The following ERBB4 variants were observed in gnomAD, a reference collection of about 807,000 sequenced individuals.
The protein encoded by ERBB4 is erb-b2 receptor tyrosine kinase 4, also known as receptor tyrosine-protein kinase erbB-4.
Under a neutral mutation model 158.0 loss-of-function variants are expected in ERBB4, and 42 were observed. That is an observed-to-expected ratio of 0.27 (90% CI 0.21 to 0.34). The LOEUF is 0.34. Among genes scored for constraint, ERBB4 ranks in the 10% least tolerant of loss-of-function variants. The pLI, the probability that ERBB4 is intolerant of heterozygous loss-of-function variation, is 1.00. For missense variants in ERBB4, 1,333 were observed against 1,624.1 expected, an observed-to-expected ratio of 0.82 and a Z score of 3.08; for synonymous variants, 583 against 558.7, an observed-to-expected ratio of 1.04 and a Z score of -0.61.
chr2:211,889,211 C>T (rs1006780145), intron 3 of ERBB4, among the ~76,000 whole-genome samples: 2 of 145,004 alleles, frequency 1.4e-5, no homozygotes, highest in Non-Finnish European at 3.0e-5. Flanking sequence ...TGAGAACCCG[C>T]AGACTGCCTC....
At chr2:211,736,242 T>G (rs1039529199) in intron 5 of ERBB4, among the ~76,000 whole-genome samples, 9 of 152,176 alleles carry the variant, frequency 5.9e-5, no homozygotes, top group African/African-American at 1.9e-4. Flanking sequence ...TTTCAAACTT[T>G]TGATTTTTAA....
At chr2:211,972,595 A>G (rs992641023) in intron 2 of ERBB4, among the ~76,000 whole-genome samples, 7 of 152,170 alleles carry the variant, frequency 4.6e-5, no homozygotes, top group African/African-American at 1.7e-4. Flanking sequence ...CCCAGAAAAA[A>G]GACCACACTC....
rs2077398187 is a variant in ERBB4, at chr2:211,838,762, C to T, written c.422-50603G>A. On this transcript the variant is annotated intron_variant, in intron 3 of 27. Coordinates refer to ENST00000342788, the MANE Select transcript of ERBB4 (RefSeq NM_005235.3). ...AAATAGACAAATAATTCCAGAAACA[C>T]AATAACGGGTCTGTGATTCGGACTA... is the stretch of plus-strand genomic sequence containing the variant. Among the ~76,000 whole-genome samples, 3 of 152,108 alleles carry T rather than the reference C, an allele frequency of 2.0e-5. No individual in the cohort carries two copies. The South Asian group carries it at 6.2e-4, about 32-fold the overall frequency.
chr2:212,356,746 C>G (rs548227631), intron 1 of ERBB4, among the ~76,000 whole-genome samples: 1 of 151,744 alleles, frequency 6.6e-6, no homozygotes, highest in South Asian at 2.1e-4. Context: ...CTTGATAAAT[C>G]GATCTTTCCA....
chr2:212,240,655 A>AAAAAAAAAAAAC (rs2084060359), intron 1 of ERBB4, among the ~76,000 whole-genome samples: 2 of 149,080 alleles, frequency 1.3e-5, no homozygotes, highest in Non-Finnish European at 3.0e-5. Context: ...AAAAAAAAAA[A>AAAAAAAAAAAAC]AAAAAAAAAA....
intron 1 of ERBB4, among the ~76,000 whole-genome samples, chr2:212,535,620 T>G (rs1693008732): frequency 6.6e-6 from 1 of 152,204 alleles, no homozygotes; most frequent in African/African-American, 2.4e-5. Context: ...TTTTCCATTA[T>G]ACAAGGAAGA....
intron 2 of ERBB4, among the ~76,000 whole-genome samples, chr2:212,090,783 A>G (rs776019989): frequency 2.6e-5 from 4 of 152,186 alleles, no homozygotes; most frequent in Non-Finnish European, 4.4e-5. Context: ...CAGCTAACTG[A>G]TGATTAAAAC....
At chr2:212,457,183 G>C (rs1688335823) in intron 1 of ERBB4, among the ~76,000 whole-genome samples, 1 of 151,904 alleles carries the variant, frequency 6.6e-6, no homozygotes, top group Non-Finnish European at 1.5e-5. Context: ...ACCATTTCAG[G>C]CTAATAGAGA....
chr2:211,761,172 C>G lies in ERBB4; in HGVS notation c.557-10468G>C, dbSNP rs138929451. 4.8e-5 allele frequency among the ~76,000 whole-genome samples: 6 copies of G among 124,228 alleles called. No homozygotes were observed. In the East Asian group the frequency reaches 1.3e-3, roughly 27 times the overall value. 81.5% of individuals were successfully genotyped at this position (124,228 alleles called of 152,430 possible). Reference sequence around the variant, plus strand: ...ATTGCGCCACTGTACTCCAGCCTGGCGACAGGGTGAGATTCCTCAAAAAAA... The same window carrying G: ...ATTGCGCCACTGTACTCCAGCCTGGGGACAGGGTGAGATTCCTCAAAAAAA... On this transcript the variant is annotated intron_variant, in intron 4 of 27. Transcript: ENST00000342788.
chr2:212,340,448 G>C (rs2088653143), intron 1 of ERBB4, among the ~76,000 whole-genome samples: 1 of 152,128 alleles, frequency 6.6e-6, no homozygotes, highest in Admixed American at 6.6e-5. Context: ...CCATAATGTA[G>C]AATCAGTGGG....
intron 20 of ERBB4, among the ~76,000 whole-genome samples, chr2:211,489,757 T>C (rs4616415): frequency 0.33 from 50,648 of 151,896 alleles, 8,973 homozygotes; most frequent in African/African-American, 0.44. Context: ...AAGGAAGCTA[T>C]GCAGTACTAA....
At chr2:212,109,990 A>G (rs1392357470) in intron 2 of ERBB4, among the ~76,000 whole-genome samples, 1 of 152,184 alleles carries the variant, frequency 6.6e-6, no homozygotes, top group Non-Finnish European at 1.5e-5. Flanking sequence ...AGCTTTTGAT[A>G]CATGACCTCA....
chr2:211,574,941 A>T (rs1357335338), intron 19 of ERBB4, among the ~76,000 whole-genome samples: 1 of 152,242 alleles, frequency 6.6e-6, no homozygotes, highest in Non-Finnish European at 1.5e-5. Flanking sequence ...TTATGTCAGC[A>T]CAATGCTATT....
chr2:211,898,866 G>A (rs1383881301), intron 3 of ERBB4, among the ~76,000 whole-genome samples: 1 of 152,114 alleles, frequency 6.6e-6, no homozygotes, highest in African/African-American at 2.4e-5. Context: ...CAGACCTTAA[G>A]TTACAAAAGT....
In ERBB4 at chr2:211,376,176, C is replaced by T. The variant is rs778535349; in HGVS notation, c.*7439G>A. 2.6e-5 allele frequency: 6 copies of T among 232,890 alleles called. No homozygotes were observed. Among genetic ancestry groups the T allele is most frequent in the South Asian group, 1.8e-4 (1 of 5,518 alleles). 14.4% of individuals were successfully genotyped at this position (232,890 alleles called of 1,614,324 possible). ...CAATTGGCATATCCTATTGTGTAAGCGAGTGCAGAGGTTGAACACATCACA... is the reference window on the plus strand; with the variant it reads ...CAATTGGCATATCCTATTGTGTAAGTGAGTGCAGAGGTTGAACACATCACA... On this transcript the variant is annotated 3_prime_UTR_variant, in exon 28 of 28. Transcript: ENST00000342788.
chr2:211,583,235 T>C (rs2068156713), intron 19 of ERBB4, among the ~76,000 whole-genome samples: 2 of 152,014 alleles, frequency 1.3e-5, no homozygotes, highest in South Asian at 4.1e-4. Context: ...CCAGCCATAT[T>C]CTAAAAATAA....
chr2:211,550,201 A>C lies in ERBB4; in HGVS notation c.2487+11702T>G, dbSNP rs566044293. ...GAACATTGAGATTTACTCTCTTAGC[A>C]ATTTTCAAATATACAACACATCATT... On this transcript the variant is annotated intron_variant, in intron 20 of 27. Coordinates refer to ENST00000342788, the MANE Select transcript of ERBB4 (RefSeq NM_005235.3). Among the ~76,000 whole-genome samples, 6 of 152,082 alleles carry C rather than the reference A, an allele frequency of 3.9e-5. No homozygotes were observed. The South Asian group carries it at 1.2e-3, about 32-fold the overall frequency.
intron 4 of ERBB4, among the ~76,000 whole-genome samples, chr2:211,757,034 C>A (rs1007942578): frequency 6.6e-6 from 1 of 152,144 alleles, no homozygotes. Flanking sequence ...AGTAAAGTCT[C>A]AATATGATTT....
chr2:211,727,653 G>A (rs965106272), intron 5 of ERBB4, among the ~76,000 whole-genome samples: 1 of 151,898 alleles, frequency 6.6e-6, no homozygotes, highest in Non-Finnish European at 1.5e-5. Context: ...CTGTTGATTA[G>A]TTCATGATTT....
Sources: gnomAD v4.1 joint callset for allele counts (sites outside exome capture counted in the v4.1 genomes callset) on GRCh38, gnomAD v4.1.1 for gene constraint, MANE v1.5 for transcripts, NCBI Gene and HGNC (gene_info 2026-07-23, HGNC 2026-07-21) for gene names.